Variants in SUSD1 observed in about 807,000 individuals in gnomAD.
SUSD1 encodes sushi domain-containing protein 1.
A neutral mutation model predicts 86.9 loss-of-function variants in SUSD1; 65 were observed. That is an observed-to-expected ratio of 0.75 (90% CI 0.61 to 0.92). The LOEUF (loss-of-function observed/expected upper bound fraction) is 0.92. Among genes scored for constraint, SUSD1 ranks in the 40% least tolerant of loss-of-function variants. The pLI is 0.00. For missense variants in SUSD1, 850 were observed against 929.7 expected (o/e 0.91, Z 1.11); for synonymous variants, 346 against 350.0 (o/e 0.99, Z 0.13).
At chr9:112,105,426 A>C (rs748507897) in intron 8 of SUSD1, among the ~76,000 whole-genome samples, 1 of 152,142 alleles carries the variant, frequency 6.6e-6, no homozygotes, top group Non-Finnish European at 1.5e-5. Flanking sequence ...AAGACCAAAA[A>C]ACTCACAGGG....
intron 11 of SUSD1, 55 bp downstream of exon 11, chr9:112,080,019 T>C: frequency 7.7e-7 from 1 of 1,300,666 alleles, no homozygotes; most frequent in South Asian, 1.2e-5. Context: ...TGGGTATTTT[T>C]AAGCCTCCCA....
chr9:112,150,908 C>T (rs1833016487), intron 2 of SUSD1, among the ~76,000 whole-genome samples: 1 of 152,092 alleles, frequency 6.6e-6, no homozygotes, highest in African/African-American at 2.4e-5. Context: ...AATAGGAAGG[C>T]CTAGAACGTT....
chr9:112,067,800 A>C (rs1564262741), intron 12 of SUSD1, among the ~76,000 whole-genome samples: 1 of 152,116 alleles, frequency 6.6e-6, no homozygotes, highest in East Asian at 1.9e-4. Flanking sequence ...ATATGTATGA[A>C]TGCCTCCCCC....
chr9:112,157,824 CT>C (rs72322597), intron 1 of SUSD1, among the ~76,000 whole-genome samples: 62,974 of 136,632 alleles, frequency 0.46, 14,151 homozygotes, highest in African/African-American at 0.56. Context: ...TTCTTTCTTT[CT>C]TTTTTTTTTT....
intron 5 of SUSD1, among the ~76,000 whole-genome samples, chr9:112,138,214 A>G (rs2131735279): frequency 1.0e-4 from 1 of 9,862 alleles, no homozygotes. Context: ...ACACAGTGAG[A>G]CTCCATCTCA....
intron 12 of SUSD1, among the ~76,000 whole-genome samples, chr9:112,069,572 G>C (rs1829160072): frequency 6.6e-6 from 1 of 152,166 alleles, no homozygotes; most frequent in Non-Finnish European, 1.5e-5. Flanking sequence ...CCTTTCACTT[G>C]TGACGTTTTG....
chr9:112,080,891 G>T (rs1259573209), intron 10 of SUSD1, among the ~76,000 whole-genome samples: 1 of 152,098 alleles, frequency 6.6e-6, no homozygotes, highest in Non-Finnish European at 1.5e-5. Context: ...ACTGAAAAAA[G>T]TGCTTTGAAG....
At chr9:112,150,916 G>A (rs553974457) in intron 2 of SUSD1, among the ~76,000 whole-genome samples, 2 of 152,294 alleles carry the variant, frequency 1.3e-5, no homozygotes, top group Admixed American at 6.5e-5. Flanking sequence ...GGCCTAGAAC[G>A]TTATGATACA....
In SUSD1 at chr9:112,112,680, G is replaced by A. The variant is rs1831154030; in HGVS notation, c.984+91C>T. 3 of 809,280 alleles carry A rather than the reference G, an allele frequency of 3.7e-6. No individual in the cohort carries two copies. In the East Asian group the frequency reaches 7.5e-5, roughly 20 times the overall value. The allele number at this position is 809,280 out of a possible 1,614,324, so 50.1% of individuals were successfully genotyped here. A position where few individuals can be genotyped will look rare whatever the true frequency, so the allele number is the denominator to read the frequency against. On this transcript the variant is annotated intron_variant, in intron 7 of 16. Coordinates refer to ENST00000374270, the MANE Select transcript of SUSD1 (RefSeq NM_022486.5). ...AAGAAAAAAAAACAGCAATTAGATT[G>A]AGAAGCTCTCACGGAAGCAAGTCCC...
chr9:112,107,254 C>CAAA (rs71382407), intron 8 of SUSD1, among the ~76,000 whole-genome samples: 3 of 66,184 alleles, frequency 4.5e-5, no homozygotes, highest in Admixed American at 1.7e-4. Flanking sequence ...GACCATATCT[C>CAAA]AAAAAAAAAA....
At chr9:112,049,949 A>G (rs1031090181) in intron 15 of SUSD1, among the ~76,000 whole-genome samples, 7 of 152,180 alleles carry the variant, frequency 4.6e-5, no homozygotes, top group Non-Finnish European at 7.4e-5. Flanking sequence ...TGTTAATTTA[A>G]TCATAGCAGA....
intron 1 of SUSD1, among the ~76,000 whole-genome samples, chr9:112,166,231 C>T (rs1367985330): frequency 6.6e-6 from 1 of 152,192 alleles, no homozygotes; most frequent in African/African-American, 2.4e-5. Flanking sequence ...ACTCTCTGAC[C>T]ACACGGGTCC....
chr9:112,100,742 G>C (rs1054098878), intron 9 of SUSD1, among the ~76,000 whole-genome samples: 7 of 151,696 alleles, frequency 4.6e-5, no homozygotes, highest in Non-Finnish European at 8.8e-5. Flanking sequence ...TGAGGCAGGA[G>C]AATTGCTTGA....
intron 14 of SUSD1, among the ~76,000 whole-genome samples, chr9:112,056,163 C>A (rs60100794): frequency 0.074 from 11,319 of 152,086 alleles, 540 homozygotes; most frequent in South Asian, 0.14. Flanking sequence ...TTAACTCAGG[C>A]AGCTGAAGCA....
intron 13 of SUSD1, 48 bp downstream of exon 13, chr9:112,062,889 A>G (rs767028828): frequency 2.3e-6 from 3 of 1,296,120 alleles, no homozygotes; most frequent in African/African-American, 2.9e-5. Flanking sequence ...TTTCCAAAAC[A>G]CTCCATGGGG....
intron 12 of SUSD1, among the ~76,000 whole-genome samples, chr9:112,071,908 A>G (rs1829286107): frequency 6.6e-6 from 1 of 152,200 alleles, no homozygotes; most frequent in Admixed American, 6.5e-5. Context: ...AAGGCAACAG[A>G]AAAAATAGTG....
At chr9:112,130,818 A>G (rs943217867) in intron 5 of SUSD1, among the ~76,000 whole-genome samples, 2 of 148,016 alleles carry the variant, frequency 1.4e-5, no homozygotes, top group African/African-American at 2.5e-5. Context: ...TGAGCTCAGG[A>G]GTTCAAGAGC....
At chr9:112,166,712 C>G (rs1220971793) in intron 1 of SUSD1, among the ~76,000 whole-genome samples, 1 of 152,128 alleles carries the variant, frequency 6.6e-6, no homozygotes, top group Admixed American at 6.6e-5. Flanking sequence ...GTCGGGGGCA[C>G]TTGGTACCCA....
intron 3 of SUSD1, chr9:112,146,220 A>G (rs1229176165): frequency 6.6e-6 from 1 of 152,226 alleles, no homozygotes; most frequent in East Asian, 1.9e-4. Flanking sequence ...CAGCTTTTAC[A>G]AAGTGATAAC....
Sources: gnomAD v4.1 joint callset for allele counts (sites outside exome capture counted in the v4.1 genomes callset) on GRCh38, gnomAD v4.1.1 for gene constraint, MANE v1.5 for transcripts, NCBI Gene and HGNC (gene_info 2026-07-23, HGNC 2026-07-21) for gene names.